The following ERCC2 variants were observed in gnomAD, a reference collection of about 807,000 sequenced individuals.
ERCC2 encodes general transcription and DNA repair factor IIH helicase subunit XPD.
ERCC2 carries 90 observed loss-of-function variants against 99.4 expected under a neutral mutation model. The ratio of observed to expected loss-of-function variants is 0.91; its 90% CI spans 0.76 to 1.08. The LOEUF (loss-of-function observed/expected upper bound fraction) is 1.08. ERCC2 is among the 50% of genes least tolerant of loss of function. ERCC2 has a pLI of 0.00. For synonymous variants in ERCC2, 497 were observed against 432.4 expected, an observed-to-expected ratio of 1.15 and a Z score of -1.85; for missense variants, 993 against 1,038.1, an observed-to-expected ratio of 0.96 and a Z score of 0.60.
At position 45,351,211 on chromosome 19, in the gene ERCC2, G is replaced by A. The variant is rs1423404358; in HGVS notation, c.*418C>T. On this transcript the variant is annotated 3_prime_UTR_variant, in exon 23 of 23. Coordinates refer to ENST00000391945, the MANE Select transcript of ERCC2 (RefSeq NM_000400.4). ...GGGTTGGATAGTTGGCTGCCAGGCT[G>A]GACCTGGAGCTGGAGGGTGGATGTA... is the stretch of plus-strand genomic sequence containing the variant. 13 of 1,589,070 alleles carry A rather than the reference G, an allele frequency of 8.2e-6. No individual in the cohort carries two copies. Among genetic ancestry groups the A allele is most frequent in the East Asian group, 2.2e-5 (1 of 44,624 alleles).
Position 45,349,905 on chromosome 19 carries a change from A to C in ERCC2, c.*1724T>G. 2.2e-6 allele frequency: 1 copy of C among 447,114 alleles called. No homozygotes were observed. 27.7% of individuals were successfully genotyped at this position (447,114 alleles called of 1,614,324 possible). On this transcript the variant is annotated 3_prime_UTR_variant, in exon 23 of 23. Transcript: ENST00000391945. ...CTCTTAGCCCGGTCCCCACATCGCT[A>C]GTTCTTATAGCGTCCCTATGAGGTG...
intron 11 of ERCC2, among the ~76,000 whole-genome samples, chr19:45,362,499 C>T (rs950626569): frequency 3.9e-5 from 6 of 152,188 alleles, no homozygotes; most frequent in Admixed American, 6.5e-5. Context: ...CAGGCAGGGC[C>T]GAGGCAGGGT....
chr19:45,350,407 A>C lies in ERCC2; in HGVS notation c.*1222T>G, dbSNP rs769761307. ...AGAGCTGTACAAAGAAATCCTCCACAAGGAGGACCTACCCGCCCCTCTCGG... is the reference window on the plus strand; with the variant it reads ...AGAGCTGTACAAAGAAATCCTCCACCAGGAGGACCTACCCGCCCCTCTCGG... On this transcript the variant is annotated 3_prime_UTR_variant, in exon 23 of 23. Coordinates refer to ENST00000391945, the MANE Select transcript of ERCC2 (RefSeq NM_000400.4). 5 of 1,613,378 alleles carry C rather than the reference A, an allele frequency of 3.1e-6. No individual in the cohort carries two copies. The highest frequency in any genetic ancestry group is 3.3e-5 in the Admixed American group (2 of 59,956).
At chr19:45,354,681 T>C (rs772461869) in intron 17 of ERCC2, 49 bp downstream of exon 17, 65 of 1,610,522 alleles carry the variant, frequency 4.0e-5, no homozygotes, top group Non-Finnish European at 5.3e-5. Flanking sequence ...AGCGGTGCAG[T>C]GCCAGGGACT....
chr19:45,365,099 G>C lies in ERCC2; in HGVS notation c.420C>G (p.Ser140=). 6.2e-7 allele frequency: 1 copy of C among 1,614,178 alleles called. No homozygotes were observed. The highest frequency in any genetic ancestry group is 1.1e-5 in the South Asian group (1 of 91,084). ...CATGCTGGTACTGCGCCCGCACATAGGAGGCTGTGAGGCTGTGGCATTTCC... is the reference window on the plus strand; with the variant it reads ...CATGCTGGTACTGCGCCCGCACATACGAGGCTGTGAGGCTGTGGCATTTCC... ...VDGKCHSLTA[S]YVRAQYQHDT... Residue 140 remains serine (S), a synonymous_variant, in exon 6 of 23, where the codon TCC becomes TCG. Coordinates refer to ENST00000391945, the MANE Select transcript of ERCC2 (RefSeq NM_000400.4).
rs1361386761 is a variant in ERCC2, at chr19:45,364,240, C to T, written c.810G>A (p.Val270=). The T allele has an allele frequency of 5.0e-6, 8 of 1,613,678 alleles. No homozygotes were observed. The highest frequency in any genetic ancestry group is 1.7e-5 in the Admixed American group (1 of 60,026). ...QGNLETLQKT[V]LRIKETDEQR... ...CCAGACGTCCCCGGCCCCACCTGAG[C>T]ACCGTCTTCTGCAGGGTCTCCAGGT... The change falls in exon 9 of 23, where the codon GTG becomes GTA. Residue 270 remains valine (V), a synonymous_variant. Transcript: ENST00000391945.
Position 45,352,797 on chromosome 19 carries a change from G to A in ERCC2, c.1851C>T (p.Ala617=), listed in dbSNP as rs772913530. 2.1e-5 allele frequency: 34 copies of A among 1,608,542 alleles called. No homozygotes were observed. Among genetic ancestry groups the A allele is most frequent in the Middle Eastern group, 1.7e-4 (1 of 6,052 alleles). Residue 617 remains alanine (A), a synonymous_variant, in exon 20 of 23, where the codon GCC becomes GCT. Transcript: ENST00000391945. ...CGTAGGGGACGCCAAACATGATGAC[G>A]GCCCGCCCGTAGTGGTGCACTGGTG... ...GIDFVHHYGR[A]VIMFGVPYVY...
Position 45,350,505 on chromosome 19 carries a change from T to C in ERCC2, c.*1124A>G. On this transcript the variant is annotated 3_prime_UTR_variant, in exon 23 of 23. Transcript: ENST00000391945. ...TCCCCATCTCAGTGTCCCCCATCTT[T>C]CCCCCTAGGTGCCCCCAACACAGGC... is the stretch of plus-strand genomic sequence containing the variant. The C allele has an allele frequency of 6.2e-7, 1 of 1,612,652 alleles. No homozygotes were observed. Among genetic ancestry groups the C allele is most frequent in the Non-Finnish European group, 8.5e-7 (1 of 1,179,518 alleles).
chr19:45,354,801 G>T lies in ERCC2; in HGVS notation c.1594C>A (p.Pro532Thr). ...NLLLEMSAVV[P>T]DGIVAFFTSY... ...GTGAAGAAGGCCACGATGCCATCAGGGACCACAGCGGACATCTCCAGCAGG... is the reference window on the plus strand; with the variant it reads ...GTGAAGAAGGCCACGATGCCATCAGTGACCACAGCGGACATCTCCAGCAGG... Residue 532 changes from proline (P) to threonine (T), a missense_variant, in exon 17 of 23, where the codon CCT (proline) becomes ACT (threonine). Physicochemically the swap from Pro to Thr is conservative, Grantham distance 38. Around this residue, in one of 3 missense-constraint regions of ERCC2, gnomAD observed 909 missense variants for 930.8 expected, o/e 0.98. Coordinates refer to ENST00000391945, the MANE Select transcript of ERCC2 (RefSeq NM_000400.4). The T allele has an allele frequency of 6.2e-7, 1 of 1,614,092 alleles. No individual in the cohort carries two copies. Among genetic ancestry groups the T allele is most frequent in the East Asian group, 2.2e-5 (1 of 44,884 alleles).
chr19:45,354,280 T>C (rs931758191), intron 17 of ERCC2, among the ~76,000 whole-genome samples: 11 of 152,218 alleles, frequency 7.2e-5, no homozygotes, highest in African/African-American at 1.4e-4. Context: ...CTCTAGCTGC[T>C]TCCCTGAAGG....
chr19:45,362,160 G>T (rs372232508), intron 11 of ERCC2, among the ~76,000 whole-genome samples: 4 of 151,926 alleles, frequency 2.6e-5, no homozygotes, highest in Admixed American at 2.6e-4. Flanking sequence ...TTCTGACCTC[G>T]TGATCCACCT....
intron 22 of ERCC2, 88 bp downstream of exon 22, chr19:45,352,121 G>C (rs1971820402): frequency 1.4e-6 from 2 of 1,434,812 alleles, no homozygotes; most frequent in Non-Finnish European, 1.9e-6. Flanking sequence ...CAGGCAGGCT[G>C]AGGGTGGGGA....
Position 45,361,614 on chromosome 19 carries a change from G to A in ERCC2, c.1147C>T (p.Leu383=), listed in dbSNP as rs1237083034. 6.2e-7 allele frequency: 1 copy of A among 1,613,944 alleles called. No individual in the cohort carries two copies. The highest frequency in any genetic ancestry group is 1.7e-5 in the Admixed American group (1 of 60,008). ...RFCAERLRSL[L]HTLEITDLAD... ...AGGTCGGTGATCTCCAGAGTATGCA[G>A]CAGGGACCGGAGGCGTTCAGCACAG... Residue 383 remains leucine (L), a synonymous_variant, in exon 12 of 23, where the codon CTG becomes TTG. Transcript: ENST00000391945.
chr19:45,351,448 C>A lies in ERCC2; in HGVS notation c.*181G>T, dbSNP rs1048488855. 57 of 1,582,348 alleles carry A rather than the reference C, an allele frequency of 3.6e-5. 1 individual carries two copies. Among genetic ancestry groups the A allele is most frequent in the South Asian group, 5.6e-5 (5 of 89,108 alleles). On this transcript the variant is annotated 3_prime_UTR_variant, in exon 23 of 23. Transcript: ENST00000391945. ...GAGAGGGGGTCTATCATCTCCTGGC[C>A]CCCCCTTGCCTCTGGGTACCTGGTG...
At chr19:45,355,815 T>A in intron 15 of ERCC2, 87 bp from the exon 16 acceptor site, 4 of 51,492 alleles carry the variant, frequency 7.8e-5, no homozygotes, top group Non-Finnish European at 1.2e-4. Flanking sequence ...TGTTCTAAGC[T>A]TTTTTTTTTT....
Position 45,365,035 on chromosome 19 carries a change from C to T in ERCC2, c.477+7G>A, listed in dbSNP as rs2123295674. 1.9e-6 allele frequency: 3 copies of T among 1,613,084 alleles called. No individual in the cohort carries two copies. Among genetic ancestry groups the T allele is most frequent in the South Asian group, 1.1e-5 (1 of 91,040 alleles). ...GCCTCCCTCCCTCAGCCCTGCCCTCCAGTAACCTCATAGAATCGGCAGTGG... is the reference window on the plus strand; with the variant it reads ...GCCTCCCTCCCTCAGCCCTGCCCTCTAGTAACCTCATAGAATCGGCAGTGG... On this transcript the variant is annotated splice_region_variant and intron_variant, in intron 6 of 22. Transcript: ENST00000391945.
chr19:45,352,166 A>C (rs373872257), intron 22 of ERCC2, 43 bp downstream of exon 22: 1 of 1,608,226 alleles, frequency 6.2e-7, no homozygotes, highest in Non-Finnish European at 8.5e-7. Flanking sequence ...CTGGAGGAGA[A>C]GCTCAGCCTG....
intron 12 of ERCC2, among the ~76,000 whole-genome samples, chr19:45,359,572 C>T (rs1313060811): frequency 6.6e-6 from 1 of 152,198 alleles, no homozygotes; most frequent in Non-Finnish European, 1.5e-5. Flanking sequence ...ACCTGAAAAT[C>T]TGAACATCAG....
At position 45,364,558 on chromosome 19, in the gene ERCC2, G is replaced by C. The variant is rs764858598; in HGVS notation, c.595-11C>G. 1 of 1,611,974 alleles carries C rather than the reference G, an allele frequency of 6.2e-7. No homozygotes were observed. The highest frequency in any genetic ancestry group is 1.1e-5 in the South Asian group (1 of 91,000). ...ATTGGCATGCAGGATCTGGGGGGCC[G>C]GGGAGCAGGGTTACCAGGGCCCTGC... On this transcript the variant is annotated splice_polypyrimidine_tract_variant and intron_variant, in intron 7 of 22. Coordinates refer to ENST00000391945, the MANE Select transcript of ERCC2 (RefSeq NM_000400.4).
Sources: allele counts gnomAD v4.1 joint callset (sites outside exome capture counted in the v4.1 genomes callset), GRCh38; gene constraint gnomAD v4.1.1; regional missense constraint gnomAD v4.1.1; transcripts MANE v1.5; gene names NCBI Gene and HGNC (gene_info 2026-07-23, HGNC 2026-07-21).